PHACTR4: variants seen among roughly 807,000 people sequenced by gnomAD.
PHACTR4 encodes the protein protein phosphatase 1, regulatory subunit 124.
In PHACTR4, 51 loss-of-function variants were observed where a neutral mutation model predicts 72.7. The observed-to-expected ratio is 0.70, with a 90% CI of 0.56 to 0.89. The LOEUF (loss-of-function observed/expected upper bound fraction) is 0.89, where lower values mean the gene tolerates loss of function less well. PHACTR4 is among the 40% of genes least tolerant of loss of function. PHACTR4 has a pLI of 0.00. For missense variants in PHACTR4, 731 were observed against 861.8 expected, an observed-to-expected ratio of 0.85 and a Z score of 1.90; for synonymous variants, 255 against 302.5, an observed-to-expected ratio of 0.84 and a Z score of 1.63.
chr1:28,376,927 G>A (rs1018713533), intron 1 of PHACTR4, among the ~76,000 whole-genome samples: 1 of 151,940 alleles, frequency 6.6e-6, no homozygotes. Flanking sequence ...GTGAGCCAGC[G>A]CGCCCGGCCT....
chr1:28,393,221 A>G (rs889107486), intron 1 of PHACTR4, among the ~76,000 whole-genome samples: 1 of 152,232 alleles, frequency 6.6e-6, no homozygotes, highest in African/African-American at 2.4e-5. Context: ...AATTTTACTA[A>G]CAATCTTTTA....
Position 28,476,772 on chromosome 1 carries a change from C to CTTTTTTTTTTTTTTTTTTTTT in PHACTR4, c.1606+496_1606+497insTTTTTTTTTTTTTTTTTTTTT, listed in dbSNP as rs35369238. Among the ~76,000 whole-genome samples, 492 of 98,236 alleles carry CTTTTTTTTTTTTTTTTTTTTT rather than the reference C, an allele frequency of 5.0e-3. 72 individuals carry two copies. Among genetic ancestry groups the CTTTTTTTTTTTTTTTTTTTTT allele is most frequent in the Middle Eastern group, 6.4e-3 (1 of 156 alleles). 64.4% of individuals were successfully genotyped at this position (98,236 alleles called of 152,430 possible). A position where few individuals can be genotyped will look rare whatever the true frequency, so the allele number is the denominator to read the frequency against. ...GTCTCGTTAGGTTGCCTAGCCTGTT[C>CTTTTTTTTTTTTTTTTTTTTT]TTTTTTTTTTTTTTTGAGACGGAGT... is the stretch of plus-strand genomic sequence containing the variant. On this transcript the variant is annotated intron_variant, in intron 8 of 13. Transcript: ENST00000373839.
chr1:28,430,474 G>A (rs1435527723), intron 2 of PHACTR4, among the ~76,000 whole-genome samples: 4 of 152,162 alleles, frequency 2.6e-5, no homozygotes, highest in Admixed American at 6.5e-5. Flanking sequence ...TGTAGCTTGA[G>A]GCACATGTTA....
chr1:28,438,667 T>C (rs943994231), intron 2 of PHACTR4, among the ~76,000 whole-genome samples: 2 of 152,242 alleles, frequency 1.3e-5, no homozygotes, highest in Non-Finnish European at 2.9e-5. Context: ...GCTCACAGTT[T>C]TGTTTTACTT....
intron 2 of PHACTR4, among the ~76,000 whole-genome samples, chr1:28,455,356 C>G (rs1658315807): frequency 6.6e-6 from 1 of 151,266 alleles, no homozygotes. Flanking sequence ...ACCACCACAC[C>G]CAGCTAATTT....
At position 28,489,180 on chromosome 1, in the gene PHACTR4, CAAA is replaced by C; in HGVS notation, c.1772_1774del (p.Gln591del). On this transcript the variant is annotated inframe_deletion, in exon 10 of 14. Coordinates refer to ENST00000373839, the MANE Select transcript of PHACTR4 (RefSeq NM_001048183.3). ...TTATCTCATTTTTAGGCGACTGAGT[CAAA>C]GACCAACACCAGAAGAACTAGAACA... The C allele has an allele frequency of 6.2e-7, 1 of 1,612,298 alleles. No individual in the cohort carries two copies. The highest frequency in any genetic ancestry group is 8.5e-7 in the Non-Finnish European group (1 of 1,179,002).
chr1:28,488,473 G>A, intron 9 of PHACTR4, among the ~76,000 whole-genome samples: 1 of 152,258 alleles, frequency 6.6e-6, no homozygotes, highest in East Asian at 1.9e-4. Context: ...CTCCAGCCTA[G>A]GTGACAGAGC....
In PHACTR4 at chr1:28,460,221, G is replaced by A. The variant is rs747393903; in HGVS notation, c.200G>A (p.Arg67Gln). 2.5e-6 allele frequency: 4 copies of A among 1,612,692 alleles called. No individual in the cohort carries two copies. The highest frequency in any genetic ancestry group is 2.2e-5 in the South Asian group (2 of 90,880). ...KFKETSEVLE[R>Q]KISMRKPREE... ...TCCAATTTAATGTTAGTTTTAGAAC[G>A]GAAAATATCTATGCGAAAGCCAAGA... Residue 67 changes from arginine to glutamine, a missense_variant, in exon 4 of 14, where the codon CGG (arginine) becomes CAG (glutamine). By Grantham distance (43) the Arg-to-Gln change is conservative. Transcript: ENST00000373839.
chr1:28,404,921 C>G (rs1168855081), intron 1 of PHACTR4, among the ~76,000 whole-genome samples: 1 of 152,042 alleles, frequency 6.6e-6, no homozygotes, highest in Non-Finnish European at 1.5e-5. Flanking sequence ...TCATCCTTCA[C>G]CCTCAAGCAG....
intron 1 of PHACTR4, among the ~76,000 whole-genome samples, chr1:28,400,428 T>C (rs951603945): frequency 3.3e-5 from 5 of 151,194 alleles, no homozygotes; most frequent in African/African-American, 4.9e-5. Flanking sequence ...TGTAATAATG[T>C]AGCCGGCTTA....
At chr1:28,468,939 T>C (rs1004444864) in intron 6 of PHACTR4, among the ~76,000 whole-genome samples, 4 of 152,206 alleles carry the variant, frequency 2.6e-5, no homozygotes, top group African/African-American at 9.6e-5. Flanking sequence ...TATGATACCC[T>C]GGACTAAACT....
intron 2 of PHACTR4, among the ~76,000 whole-genome samples, chr1:28,421,057 C>G (rs1256925735): frequency 4.6e-5 from 7 of 152,072 alleles, no homozygotes; most frequent in Non-Finnish European, 1.0e-4. Context: ...TTCTGTTGAA[C>G]AATTTGTCAG....
In PHACTR4 at chr1:28,418,590, A is replaced by G. The variant is rs576810942; in HGVS notation, c.16+11127A>G. Among the ~76,000 whole-genome samples, 9 of 152,322 alleles carry G rather than the reference A, an allele frequency of 5.9e-5. No homozygotes were observed. In the East Asian group the frequency reaches 1.7e-3, roughly 29 times the overall value. ...ACATGTAGATTAAATCCAACAAATC[A>G]TTATTTTTTCTTATTACAAAAACAA... On this transcript the variant is annotated intron_variant, in intron 2 of 13. Coordinates refer to ENST00000373839, the MANE Select transcript of PHACTR4 (RefSeq NM_001048183.3).
intron 1 of PHACTR4, among the ~76,000 whole-genome samples, chr1:28,404,930 A>G (rs879299372): frequency 2.6e-5 from 4 of 151,912 alleles, no homozygotes; most frequent in Non-Finnish European, 5.9e-5. Context: ...ACCCTCAAGC[A>G]GGCCCCAGTG....
rs926220769 is a variant in PHACTR4 at position 28,447,429 on chromosome 1, G to A, written c.17-11656G>A. ...TTTTTTGAGACAGTCTCACTCTGTC[G>A]CCCAGGCTGGAGTGCAGTGGCACGA... On this transcript the variant is annotated intron_variant, in intron 2 of 13. Coordinates refer to ENST00000373839, the MANE Select transcript of PHACTR4 (RefSeq NM_001048183.3). Among the ~76,000 whole-genome samples, 4 of 142,322 alleles carry A rather than the reference G, an allele frequency of 2.8e-5. No individual in the cohort carries two copies. In the Admixed American group the frequency reaches 2.9e-4, roughly 10 times the overall value. The allele number at this position is 142,322 out of a possible 152,430, so 93.4% of individuals were successfully genotyped here.
At chr1:28,435,963 G>A (rs1656605180) in intron 2 of PHACTR4, among the ~76,000 whole-genome samples, 1 of 152,136 alleles carries the variant, frequency 6.6e-6, no homozygotes, top group African/African-American at 2.4e-5. Context: ...CTGTTTTAAT[G>A]GTCAACATCA....
chr1:28,483,024 T>C (rs1036782605), intron 9 of PHACTR4, among the ~76,000 whole-genome samples: 24 of 152,060 alleles, frequency 1.6e-4, no homozygotes, highest in Admixed American at 1.3e-3. Flanking sequence ...ATAGACACTT[T>C]TTGGATCCAG....
intron 2 of PHACTR4, among the ~76,000 whole-genome samples, chr1:28,435,769 T>C (rs1448482119): frequency 6.6e-6 from 1 of 152,350 alleles, no homozygotes; most frequent in South Asian, 2.1e-4. Context: ...TTAATTACAA[T>C]ATGTTGAGCA....
Position 28,459,251 on chromosome 1 carries a change from T to C in PHACTR4, c.183T>C (p.Thr61=). 6.2e-7 allele frequency: 1 copy of C among 1,612,516 alleles called. No homozygotes were observed. The highest frequency in any genetic ancestry group is 8.5e-7 in the Non-Finnish European group (1 of 1,178,880). The part of the protein sequence containing the change: ...KKKSSDKFKE[T]SEVLERKISM... ...AAAGTAGTGATAAATTTAAAGAGAC[T>C]TCAGAAGGTGAGATATTAAGGGTTA... The change falls in exon 3 of 14, where the codon ACT becomes ACC. Residue 61 remains threonine (T), a synonymous_variant. Coordinates refer to ENST00000373839, the MANE Select transcript of PHACTR4 (RefSeq NM_001048183.3).
Sources: gnomAD v4.1 joint callset for allele counts (sites outside exome capture counted in the v4.1 genomes callset) on GRCh38, gnomAD v4.1.1 for gene constraint, MANE v1.5 for transcripts, NCBI Gene and HGNC (gene_info 2026-07-23, HGNC 2026-07-21) for gene names.